The following ESRRG variants were observed in gnomAD, a reference collection of about 807,000 sequenced individuals.
ESRRG encodes the protein estrogen related receptor gamma.
A neutral mutation model predicts 44.0 loss-of-function variants in ESRRG; 13 were observed. That is an observed-to-expected ratio of 0.30 (90% CI 0.19 to 0.47). The LOEUF (loss-of-function observed/expected upper bound fraction) is 0.47, where lower values mean the gene tolerates loss of function less well. Among genes scored for constraint, ESRRG ranks in the 20% least tolerant of loss-of-function variants. The pLI is 1.00. For missense variants in ESRRG, 395 were observed against 580.6 expected (o/e 0.68, Z 3.29); for synonymous variants, 215 against 214.6 (o/e 1.00, Z -0.02).
chr1:216,860,454 T>A (rs572988543), intron 2 of ESRRG, among the ~76,000 whole-genome samples: 1 of 152,230 alleles, frequency 6.6e-6, no homozygotes, highest in South Asian at 2.1e-4. Context: ...GGGCATATCA[T>A]AACCTAGTTG....
intron 2 of ESRRG, among the ~76,000 whole-genome samples, chr1:216,820,463 C>T (rs1013133670): frequency 6.6e-6 from 1 of 152,150 alleles, no homozygotes; most frequent in Non-Finnish European, 1.5e-5. Context: ...GAGCAAACTC[C>T]TCAATTCTGA....
intron 3 of ESRRG, among the ~76,000 whole-genome samples, chr1:216,620,615 C>T (rs1314612196): frequency 6.6e-6 from 1 of 152,148 alleles, no homozygotes; most frequent in Non-Finnish European, 1.5e-5. Flanking sequence ...CCTCCCTTCA[C>T]CTCTAATTCA....
At chr1:216,725,804 T>C (rs886795875), upstream of ESRRG, among the ~76,000 whole-genome samples, 1 of 152,178 alleles carries the variant, frequency 6.6e-6, no homozygotes, top group African/African-American at 2.4e-5. Context: ...ACTCAAAGAA[T>C]GCATTCCGAT....
chr1:216,776,137 C>T (rs1430267068), intron 2 of ESRRG, among the ~76,000 whole-genome samples: 2 of 152,056 alleles, frequency 1.3e-5, no homozygotes, highest in African/African-American at 4.8e-5. Context: ...ACATGTTATA[C>T]AAGGTGCTTT....
intron 2 of ESRRG, among the ~76,000 whole-genome samples, chr1:216,773,526 T>C (rs1359087763): frequency 6.6e-6 from 1 of 152,132 alleles, no homozygotes; most frequent in Non-Finnish European, 1.5e-5. Context: ...ATGCTTTGTA[T>C]AAGTGGTATT....
At chr1:216,635,715 C>T (rs1297776732) in intron 3 of ESRRG, among the ~76,000 whole-genome samples, 2 of 152,094 alleles carry the variant, frequency 1.3e-5, no homozygotes, top group Non-Finnish European at 1.5e-5. Flanking sequence ...AGCTCTCCTG[C>T]ACACAGGAAA....
intron 1 of ESRRG, among the ~76,000 whole-genome samples, chr1:216,996,789 A>G (rs1314141930): frequency 6.6e-6 from 1 of 151,818 alleles, no homozygotes; most frequent in Non-Finnish European, 1.5e-5. Context: ...TTCACTAAAC[A>G]CTCTCAGTGG....
chr1:216,986,619 C>T (rs909167642), intron 1 of ESRRG, among the ~76,000 whole-genome samples: 5 of 151,416 alleles, frequency 3.3e-5, no homozygotes, highest in East Asian at 2.0e-4. Flanking sequence ...CCCAGCTACT[C>T]GGGAGGCTGA....
chr1:216,897,142 C>T (rs2149451866), intron 2 of ESRRG, among the ~76,000 whole-genome samples: 1 of 152,132 alleles, frequency 6.6e-6, no homozygotes, highest in East Asian at 1.9e-4. Flanking sequence ...AAAAGTAACC[C>T]TGGGAAGAAA....
At chr1:217,111,912 A>T (rs1580605304) in intron 1 of ESRRG, among the ~76,000 whole-genome samples, 1 of 152,184 alleles carries the variant, frequency 6.6e-6, no homozygotes, top group East Asian at 1.9e-4. Context: ...CTTAAGAAAC[A>T]TTGCCACTTG....
In ESRRG at chr1:216,931,600, T is replaced by C. The variant is rs563646672; in HGVS notation, c.-14+7982A>G. On this transcript the variant is annotated intron_variant, in intron 2 of 7. Coordinates refer to the ESRRG transcript ENST00000359162. ...GCACCCCGCCTCCCAACTGGCCCAA[T>C]TGGCCCAGGTGCCCTCCTCAGGGTT... Among the ~76,000 whole-genome samples, 574 of 152,124 alleles carry C rather than the reference T, an allele frequency of 3.8e-3. 1 individual carries two copies. The highest frequency in any genetic ancestry group is 6.0e-3 in the Non-Finnish European group (409 of 67,976).
intron 2 of ESRRG, among the ~76,000 whole-genome samples, chr1:216,913,996 A>G (rs1020500913): frequency 1.3e-5 from 2 of 152,190 alleles, no homozygotes; most frequent in Non-Finnish European, 2.9e-5. Flanking sequence ...TTATTTTTGC[A>G]AACAGAAATG....
At chr1:216,645,637 C>T (rs1020098251) in intron 3 of ESRRG, among the ~76,000 whole-genome samples, 1 of 151,724 alleles carries the variant, frequency 6.6e-6, no homozygotes, top group African/African-American at 2.4e-5. Context: ...TTTGGGAGGC[C>T]GAAACTGGAG....
At chr1:217,087,253 T>G (rs2092136558) in intron 1 of ESRRG, among the ~76,000 whole-genome samples, 1 of 152,226 alleles carries the variant, frequency 6.6e-6, no homozygotes. Flanking sequence ...AACACTTTCC[T>G]AGGAGCCCTT....
chr1:217,066,233 G>A (rs985236348), intron 1 of ESRRG, among the ~76,000 whole-genome samples: 4 of 151,322 alleles, frequency 2.6e-5, no homozygotes, highest in African/African-American at 9.7e-5. Flanking sequence ...TATATCCCAT[G>A]GGGAGAATTC....
At chr1:217,022,425 T>A (rs146179224) in intron 1 of ESRRG, among the ~76,000 whole-genome samples, 1 of 152,220 alleles carries the variant, frequency 6.6e-6, no homozygotes, top group Non-Finnish European at 1.5e-5. Context: ...GAAACTGTTA[T>A]GACAGGATTC....
rs1464970989 is a variant in ESRRG at position 216,702,566 on chromosome 1, C to T, written c.56+20678G>A. On this transcript the variant is annotated intron_variant, in intron 1 of 6. Coordinates refer to ENST00000408911, the MANE Select transcript of ESRRG (RefSeq NM_001438.4). ...TCACTTGAGGTCAGGAGTTCGAGAC[C>T]AGCCTGGCCAACATGGCAAAACCCC... Among the ~76,000 whole-genome samples the T allele has an allele frequency of 2.0e-5, 3 of 149,056 alleles. No homozygotes were observed. The East Asian group carries it at 5.9e-4, about 29-fold the overall frequency.
chr1:216,700,643 T>C (rs939324017), intron 1 of ESRRG, among the ~76,000 whole-genome samples: 1 of 152,180 alleles, frequency 6.6e-6, no homozygotes, highest in Non-Finnish European at 1.5e-5. Flanking sequence ...GGTATTCCTA[T>C]GCATTTCAAA....
At chr1:216,668,468 T>G (rs888049249) in intron 2 of ESRRG, among the ~76,000 whole-genome samples, 1 of 152,236 alleles carries the variant, frequency 6.6e-6, no homozygotes, top group Admixed American at 6.5e-5. Flanking sequence ...AATAAACATG[T>G]AAATCACACC....
Sources: allele counts gnomAD v4.1 joint callset (sites outside exome capture counted in the v4.1 genomes callset), GRCh38; gene constraint gnomAD v4.1.1; transcripts MANE v1.5; gene names NCBI Gene and HGNC (gene_info 2026-07-23, HGNC 2026-07-21).